The following RGS5 variants were observed in gnomAD, a reference collection of about 807,000 sequenced individuals.
The protein encoded by RGS5 is regulator of G-protein signalling 5.
Under a neutral mutation model 18.9 loss-of-function variants are expected in RGS5, and 20 were observed. The observed-to-expected ratio is 1.06, with a 90% CI of 0.74 to 1.54. The LOEUF is 1.54. Among genes scored for constraint, RGS5 ranks in the 40% most tolerant of loss-of-function variants. The pLI is 0.00. For missense variants in RGS5, 201 were observed against 211.8 expected, an observed-to-expected ratio of 0.95 and a Z score of 0.32; for synonymous variants, 57 against 76.2, an observed-to-expected ratio of 0.75 and a Z score of 1.31.
intron 1 of RGS5, among the ~76,000 whole-genome samples, chr1:163,169,258 A>T (rs1658195885): frequency 6.6e-6 from 1 of 151,900 alleles, no homozygotes; most frequent in African/African-American, 2.4e-5. Context: ...AATCCAGTCT[A>T]TCATTGTTGG....
At chr1:163,243,579 G>A (rs948943487) in intron 2 of RGS5, among the ~76,000 whole-genome samples, 2 of 147,626 alleles carry the variant, frequency 1.4e-5, no homozygotes, top group East Asian at 2.0e-4. Context: ...CCCGGGAGGC[G>A]GAGCTTGCAG....
chr1:163,276,916 C>T (rs1182246834), intron 2 of RGS5, among the ~76,000 whole-genome samples: 1 of 152,196 alleles, frequency 6.6e-6, no homozygotes, highest in Non-Finnish European at 1.5e-5. Context: ...GAAACTAGTA[C>T]AGGTCATGAC....
At chr1:163,173,912 G>A (rs1215878489) in intron 1 of RGS5, among the ~76,000 whole-genome samples, 4 of 151,770 alleles carry the variant, frequency 2.6e-5, no homozygotes, top group Non-Finnish European at 4.4e-5. Context: ...CATCTCTACT[G>A]AAAATACAAA....
chr1:163,175,778 T>C (rs1036322470), intron 1 of RGS5, among the ~76,000 whole-genome samples: 2 of 152,244 alleles, frequency 1.3e-5, no homozygotes, highest in Non-Finnish European at 2.9e-5. Context: ...ACTTGATTTA[T>C]ATAATTAATA....
intron 2 of RGS5, among the ~76,000 whole-genome samples, chr1:163,278,598 C>T (rs1648916721): frequency 6.6e-6 from 1 of 151,844 alleles, no homozygotes; most frequent in African/African-American, 2.4e-5. Context: ...GTTATCACTA[C>T]CAAATCACAA....
intron 1 of RGS5, among the ~76,000 whole-genome samples, chr1:163,183,362 C>T (rs1431422337): frequency 6.6e-6 from 1 of 152,160 alleles, no homozygotes; most frequent in Non-Finnish European, 1.5e-5. Flanking sequence ...AGAGCAACCA[C>T]CATTTGTCAG....
intron 2 of RGS5, among the ~76,000 whole-genome samples, chr1:163,273,774 T>A (rs1462902363): frequency 6.6e-6 from 1 of 152,204 alleles, no homozygotes; most frequent in East Asian, 1.9e-4. Context: ...ACATTTCAGA[T>A]AATATATTGT....
intron 1 of RGS5, among the ~76,000 whole-genome samples, chr1:163,317,102 T>C (rs780639455): frequency 1.3e-5 from 2 of 152,186 alleles, no homozygotes; most frequent in African/African-American, 2.4e-5. Flanking sequence ...AATTGCCATG[T>C]ATCTGGACAT....
chr1:163,202,720 C>T, intron 1 of RGS5, 72 bp downstream of exon 1: 1 of 1,406,146 alleles, frequency 7.1e-7, no homozygotes, highest in Non-Finnish European at 1.0e-6. Flanking sequence ...CCTCTGTTAC[C>T]ACTGGGCAGC....
intron 2 of RGS5, among the ~76,000 whole-genome samples, chr1:163,265,764 CTT>C (rs1648559322): frequency 6.6e-6 from 1 of 152,068 alleles, no homozygotes; most frequent in Non-Finnish European, 1.5e-5. Context: ...TTCTCTAAAA[CTT>C]TTCCACATAA....
chr1:163,185,601 T>C (rs988513934), intron 1 of RGS5, among the ~76,000 whole-genome samples: 1 of 152,184 alleles, frequency 6.6e-6, no homozygotes, highest in Non-Finnish European at 1.5e-5. Flanking sequence ...GGCCCTTTCA[T>C]GGGAGTCCCA....
chr1:163,293,502 C>A lies in RGS5; in HGVS notation c.-281+12731G>T, dbSNP rs1245741751. 7.3e-4 allele frequency among the ~76,000 whole-genome samples: 111 copies of A among 152,184 alleles called. 2 individuals are homozygous for A. The highest frequency in any genetic ancestry group is 1.5e-5 in the Non-Finnish European group (1 of 68,036). ...CAGTAACCTCCCACCAGGTCCCTTC[C>A]TTGACACTTAGGGGTTAAAATTTGA... is the stretch of plus-strand genomic sequence containing the variant. On this transcript the variant is annotated intron_variant, in intron 2 of 5. Transcript: ENST00000618415.
intron 2 of RGS5, among the ~76,000 whole-genome samples, chr1:163,261,123 T>C (rs907252365): frequency 6.6e-6 from 1 of 152,226 alleles, no homozygotes; most frequent in African/African-American, 2.4e-5. Context: ...AAGCTCAGAT[T>C]CTGCTGGGAT....
At chr1:163,169,432 C>A (rs940975264) in intron 1 of RGS5, among the ~76,000 whole-genome samples, 75 of 152,188 alleles carry the variant, frequency 4.9e-4, no homozygotes, top group African/African-American at 1.7e-3. Flanking sequence ...CCTGAGGAAT[C>A]GCCACACTGA....
intron 2 of RGS5, among the ~76,000 whole-genome samples, chr1:163,291,634 C>T (rs775619460): frequency 6.6e-6 from 1 of 152,108 alleles, no homozygotes; most frequent in African/African-American, 2.4e-5. Context: ...GTCTGACAAC[C>T]GATAGTTCCA....
At chr1:163,267,561 T>A (rs1402096393) in intron 2 of RGS5, among the ~76,000 whole-genome samples, 2 of 152,112 alleles carry the variant, frequency 1.3e-5, no homozygotes, top group African/African-American at 4.8e-5. Flanking sequence ...TGCCCAGGAT[T>A]GAGTCTGATT....
intron 2 of RGS5, among the ~76,000 whole-genome samples, chr1:163,273,906 T>C (rs1648784817): frequency 6.6e-6 from 1 of 152,182 alleles, no homozygotes; most frequent in African/African-American, 2.4e-5. Context: ...TGGTTGATAA[T>C]GTCTTTGGGT....
chr1:163,151,477 C>G (rs1287817980), intron 4 of RGS5, among the ~76,000 whole-genome samples: 1 of 152,314 alleles, frequency 6.6e-6, no homozygotes, highest in Non-Finnish European at 1.5e-5. Flanking sequence ...TAGTTTGGCT[C>G]TGTGTCCCCA....
At chr1:163,192,938 C>T (rs1027608591) in intron 1 of RGS5, among the ~76,000 whole-genome samples, 8 of 152,144 alleles carry the variant, frequency 5.3e-5, no homozygotes, top group African/African-American at 1.9e-4. Context: ...AATGGAACAT[C>T]TTGATTCTTT....
Sources: gnomAD v4.1 joint callset for allele counts (sites outside exome capture counted in the v4.1 genomes callset) on GRCh38, gnomAD v4.1.1 for gene constraint, MANE v1.5 for transcripts, NCBI Gene and HGNC (gene_info 2026-07-23, HGNC 2026-07-21) for gene names.